The following DGKB variants were observed in gnomAD, a reference collection of about 807,000 sequenced individuals.
DGKB encodes the protein 90 kDa diacylglycerol kinase.
A neutral mutation model predicts 114.3 loss-of-function variants in DGKB; 67 were observed. The ratio of observed to expected loss-of-function variants is 0.59; its 90% CI spans 0.48 to 0.72. DGKB has a LOEUF of 0.72. DGKB is among the 30% of genes least tolerant of loss of function. The pLI is 0.00. For missense variants in DGKB, 907 were observed against 975.2 expected (o/e 0.93, Z 0.93); for synonymous variants, 398 against 323.1 (o/e 1.23, Z -2.49).
intron 1 of DGKB, among the ~76,000 whole-genome samples, chr7:14,956,503 T>G (rs1786513555): frequency 6.6e-6 from 1 of 152,202 alleles, no homozygotes; most frequent in South Asian, 2.1e-4. Flanking sequence ...AGTAATTTAC[T>G]AATGGGCTCA....
chr7:14,967,651 T>C (rs1198783899), intron 1 of DGKB, among the ~76,000 whole-genome samples: 1 of 117,622 alleles, frequency 8.5e-6, no homozygotes, highest in Non-Finnish European at 1.7e-5. Flanking sequence ...ATGTGATTTA[T>C]TAAAAAAAAA....
intron 1 of DGKB, among the ~76,000 whole-genome samples, chr7:14,914,143 G>T (rs1340010215): frequency 1.3e-5 from 2 of 152,224 alleles, no homozygotes; most frequent in East Asian, 3.9e-4. Flanking sequence ...ATGAAGAATT[G>T]CTCTCAAGAG....
intron 1 of DGKB, among the ~76,000 whole-genome samples, chr7:14,958,654 G>C (rs17168546): frequency 0.019 from 2,870 of 151,186 alleles, 70 homozygotes; most frequent in African/African-American, 0.066. Context: ...TTCAACTCTA[G>C]CCTGTTTGTG....
intron 1 of DGKB, among the ~76,000 whole-genome samples, chr7:14,962,202 G>C (rs1346857670): frequency 6.6e-6 from 1 of 152,074 alleles, no homozygotes; most frequent in African/African-American, 2.4e-5. Context: ...ATTCAAAATA[G>C]AGAAAAATCT....
chr7:14,656,737 A>C (rs765775460), intron 13 of DGKB, among the ~76,000 whole-genome samples: 13 of 101,170 alleles, frequency 1.3e-4, no homozygotes, highest in Non-Finnish European at 2.0e-4. Context: ...TATATACAGT[A>C]TATATATAGG....
intron 2 of DGKB, among the ~76,000 whole-genome samples, chr7:14,824,221 T>C (rs1429548486): frequency 6.6e-6 from 1 of 152,188 alleles, no homozygotes; most frequent in African/African-American, 2.4e-5. Context: ...AGATGAGATT[T>C]GGGTGGAGAC....
At chr7:14,852,492 A>AAAAAAAAAAAAAAAAAAAAAAAAAAAAAC (rs768018336) in intron 1 of DGKB, among the ~76,000 whole-genome samples, 1 of 149,766 alleles carries the variant, frequency 6.7e-6, no homozygotes, top group African/African-American at 2.4e-5. Flanking sequence ...AAAGTCAAAA[A>AAAAAAAAAAAAAAAAAAAAAAAAAAAAAC]AAAAACAGAA....
At chr7:14,583,283 T>A (rs1182666720) in intron 17 of DGKB, 146 bp from the exon 18 acceptor site, 1 of 484,806 alleles carries the variant, frequency 2.1e-6, no homozygotes, top group Non-Finnish European at 3.6e-6. Flanking sequence ...ACATATCCTT[T>A]AATCCTATTT....
At chr7:14,582,631 T>C (rs1800113138) in intron 18 of DGKB, among the ~76,000 whole-genome samples, 1 of 152,102 alleles carries the variant, frequency 6.6e-6, no homozygotes. Context: ...ATGATGATGA[T>C]GATGGATGAT....
chr7:14,498,253 T>G (rs956384594), intron 20 of DGKB, among the ~76,000 whole-genome samples: 2 of 151,996 alleles, frequency 1.3e-5, no homozygotes, highest in Admixed American at 6.6e-5. Context: ...TGAAGATGCT[T>G]ACCTTGCTCA....
chr7:14,216,758 A>G (rs1307492173), intron 23 of DGKB, among the ~76,000 whole-genome samples: 1 of 150,166 alleles, frequency 6.7e-6, no homozygotes, highest in Non-Finnish European at 1.5e-5. Flanking sequence ...AGAACCATAT[A>G]GCAAGTTCCC....
At chr7:14,691,095 G>A (rs1052416830) in intron 9 of DGKB, among the ~76,000 whole-genome samples, 4 of 152,168 alleles carry the variant, frequency 2.6e-5, no homozygotes, top group African/African-American at 4.8e-5. Context: ...TACCAAAATA[G>A]ATATTCTTTA....
chr7:14,572,176 G>A (rs375589526), intron 20 of DGKB, among the ~76,000 whole-genome samples: 2 of 151,832 alleles, frequency 1.3e-5, no homozygotes, highest in Non-Finnish European at 2.9e-5. Context: ...AGTATAGGCC[G>A]GGCGCGGTAG....
rs114268227 is a variant in DGKB, at chr7:14,667,806, C to T, written c.1134+5123G>A. 6.8e-3 allele frequency among the ~76,000 whole-genome samples: 1,039 copies of T among 152,136 alleles called. 16 individuals are homozygous for T. The highest frequency in any genetic ancestry group is 0.022 in the African/African-American group (926 of 41,518). On this transcript the variant is annotated intron_variant, in intron 13 of 25. Transcript: ENST00000402815. ...TTAAATAGTTAATGTGTACAACAGT[C>T]AATATTTTTATTCCGTGACAAGAAA... is the stretch of plus-strand genomic sequence containing the variant.
chr7:14,714,679 G>A (rs868609566), intron 6 of DGKB, among the ~76,000 whole-genome samples: 7 of 152,110 alleles, frequency 4.6e-5, no homozygotes, highest in Non-Finnish European at 1.0e-4. Context: ...GAGAAACACT[G>A]AGCACTGAAG....
chr7:14,349,282 G>A (rs758138141), intron 21 of DGKB, among the ~76,000 whole-genome samples: 24 of 152,122 alleles, frequency 1.6e-4, no homozygotes, highest in Non-Finnish European at 2.9e-4. Flanking sequence ...GCATAGACGA[G>A]AATACCAGAG....
At chr7:14,962,834 A>T (rs1246731208) in intron 1 of DGKB, among the ~76,000 whole-genome samples, 2 of 152,148 alleles carry the variant, frequency 1.3e-5, no homozygotes, top group Non-Finnish European at 2.9e-5. Context: ...CTATTATATG[A>T]TTCAGGATTC....
At chr7:14,757,250 T>C (rs778567209) in intron 3 of DGKB, among the ~76,000 whole-genome samples, 10 of 152,082 alleles carry the variant, frequency 6.6e-5, no homozygotes, top group Non-Finnish European at 1.3e-4. Flanking sequence ...GGTCATAGAC[T>C]GAGAGCCAAG....
intron 2 of DGKB, among the ~76,000 whole-genome samples, chr7:14,777,502 T>A (rs1386786689): frequency 2.0e-5 from 3 of 152,132 alleles, no homozygotes; most frequent in Non-Finnish European, 4.4e-5. Flanking sequence ...GCTGTTCTCA[T>A]GATAGTGAGT....
Sources: gnomAD v4.1 joint callset for allele counts (sites outside exome capture counted in the v4.1 genomes callset) on GRCh38, gnomAD v4.1.1 for gene constraint, MANE v1.5 for transcripts, NCBI Gene and HGNC (gene_info 2026-07-23, HGNC 2026-07-21) for gene names.